The following TET1 variants were observed in gnomAD, a reference collection of about 807,000 sequenced individuals.
The protein encoded by TET1 is tet methylcytosine dioxygenase 1.
In TET1, 13 loss-of-function variants were observed where a neutral mutation model predicts 148.7. The observed-to-expected ratio is 0.09, with a 90% CI of 0.06 to 0.14. TET1 has a LOEUF of 0.14. Among genes scored for constraint, TET1 ranks in the 10% least tolerant of loss-of-function variants. The probability of loss-of-function intolerance (pLI) is 1.00; values close to 1 mark genes in which losing one functional copy is unlikely to be tolerated. For missense variants in TET1, 2,182 were observed against 2,553.8 expected (o/e 0.85, Z 3.14); for synonymous variants, 907 against 937.2 (o/e 0.97, Z 0.59).
At chr10:68,639,170 CAG>C (rs985599280) in intron 3 of TET1, among the ~76,000 whole-genome samples, 13 of 150,674 alleles carry the variant, frequency 8.6e-5, no homozygotes, top group African/African-American at 3.2e-4. Flanking sequence ...TCTTTTAAGA[CAG>C]AGTTTCACTC....
intron 3 of TET1, among the ~76,000 whole-genome samples, chr10:68,612,370 A>G (rs2054229192): frequency 6.6e-6 from 1 of 151,950 alleles, no homozygotes; most frequent in Non-Finnish European, 1.5e-5. Flanking sequence ...GATTACCAGC[A>G]TGAGCCACCG....
intron 1 of TET1, among the ~76,000 whole-genome samples, chr10:68,562,435 C>G (rs917747552): frequency 6.6e-6 from 1 of 151,338 alleles, no homozygotes; most frequent in Non-Finnish European, 1.5e-5. Flanking sequence ...AACCAAGAAT[C>G]AAAAGACTTA....
chr10:68,569,500 C>T (rs1242095074), intron 1 of TET1, among the ~76,000 whole-genome samples: 1 of 152,124 alleles, frequency 6.6e-6, no homozygotes, highest in Non-Finnish European at 1.5e-5. Context: ...TGAGCCTCTT[C>T]TTCCTCTGGT....
At chr10:68,656,742 A>G (rs1481254960) in intron 6 of TET1, among the ~76,000 whole-genome samples, 1 of 152,210 alleles carries the variant, frequency 6.6e-6, no homozygotes, top group Non-Finnish European at 1.5e-5. Context: ...AATGTATTTT[A>G]GGGCTGGGTG....
chr10:68,665,759 G>A (rs2133172344), intron 6 of TET1, among the ~76,000 whole-genome samples: 1 of 152,070 alleles, frequency 6.6e-6, no homozygotes, highest in South Asian at 2.1e-4. Flanking sequence ...TTGGCTGTAA[G>A]AGGACGTATA....
intron 3 of TET1, among the ~76,000 whole-genome samples, chr10:68,629,459 C>T (rs1289548966): frequency 6.6e-6 from 1 of 151,782 alleles, no homozygotes; most frequent in Non-Finnish European, 1.5e-5. Flanking sequence ...GAAATATAAT[C>T]AGATATTTAG....
intron 2 of TET1, among the ~76,000 whole-genome samples, chr10:68,600,273 G>A (rs2054037253): frequency 6.6e-6 from 1 of 152,156 alleles, no homozygotes; most frequent in South Asian, 2.1e-4. Flanking sequence ...CCCCCATGCA[G>A]ACCTGCCCTC....
chr10:68,617,144 C>T (rs1266630969), intron 3 of TET1, among the ~76,000 whole-genome samples: 6 of 148,284 alleles, frequency 4.0e-5, no homozygotes, highest in Non-Finnish European at 7.4e-5. Flanking sequence ...GCCTCAGCCT[C>T]CCGAGTAGCT....
chr10:68,642,166 G>A (rs1198937903), intron 3 of TET1, among the ~76,000 whole-genome samples: 2 of 152,302 alleles, frequency 1.3e-5, no homozygotes, highest in East Asian at 3.9e-4. Flanking sequence ...TACAAAATTA[G>A]TCTGTAGTCC....
At chr10:68,583,648 C>T (rs1431646237) in intron 2 of TET1, among the ~76,000 whole-genome samples, 4 of 152,200 alleles carry the variant, frequency 2.6e-5, no homozygotes, top group Non-Finnish European at 5.9e-5. Context: ...CACGGTGGCT[C>T]TCGCCTGTAA....
chr10:68,658,106 C>T (rs7916778), intron 6 of TET1, among the ~76,000 whole-genome samples: 27,686 of 152,074 alleles, frequency 0.18, 3,135 homozygotes, highest in African/African-American at 0.31. Flanking sequence ...CTATATCAAG[C>T]ATCGTTTCAT....
At chr10:68,629,896 A>G (rs1257330542) in intron 3 of TET1, among the ~76,000 whole-genome samples, 1 of 152,154 alleles carries the variant, frequency 6.6e-6, no homozygotes, top group Admixed American at 6.6e-5. Flanking sequence ...ACCTAAAACA[A>G]TATGAACGAT....
chr10:68,613,589 A>G (rs1424806212), intron 3 of TET1, among the ~76,000 whole-genome samples: 1 of 152,170 alleles, frequency 6.6e-6, no homozygotes. Context: ...TGAAAAAACA[A>G]CATGGAAAAA....
In TET1 at chr10:68,694,447, A is replaced by G; in HGVS notation, c.*2633A>G. ...TTAGAATGCTCTTTCTCATGAAGCAAGGAAATAAATTTGTTTGAAATGACA... is the reference window on the plus strand; with the variant it reads ...TTAGAATGCTCTTTCTCATGAAGCAGGGAAATAAATTTGTTTGAAATGACA... On this transcript the variant is annotated 3_prime_UTR_variant, in exon 12 of 12. Transcript: ENST00000373644. 4.3e-6 allele frequency: 1 copy of G among 232,124 alleles called. No homozygotes were observed. The highest frequency in any genetic ancestry group is 8.5e-6 in the Non-Finnish European group (1 of 117,406). 14.4% of individuals were successfully genotyped at this position (232,124 alleles called of 1,614,324 possible). A position where few individuals can be genotyped will look rare whatever the true frequency, so the allele number is the denominator to read the frequency against.
At chr10:68,608,280 G>C (rs1424005574) in intron 3 of TET1, among the ~76,000 whole-genome samples, 1 of 151,568 alleles carries the variant, frequency 6.6e-6, no homozygotes, top group Non-Finnish European at 1.5e-5. Flanking sequence ...CTGTAGCCCA[G>C]GCTGGAGTGC....
chr10:68,568,979 C>T (rs1564946025), intron 1 of TET1, among the ~76,000 whole-genome samples: 3 of 152,114 alleles, frequency 2.0e-5, no homozygotes, highest in Non-Finnish European at 4.4e-5. Context: ...CACCACAATG[C>T]CTTCCTTAGA....
chr10:68,622,179 TTCCTTCCTTCCTTCCTTC>T (rs2054381677), intron 3 of TET1, among the ~76,000 whole-genome samples: 1 of 98,038 alleles, frequency 1.0e-5, no homozygotes. Context: ...CCTTCCTTCC[TTCCTTCCTTCCTTCCTTC>T]CTTCCTTCCT....
chr10:68,682,440 A>T (rs959889492), intron 9 of TET1, among the ~76,000 whole-genome samples: 7 of 152,150 alleles, frequency 4.6e-5, no homozygotes, highest in South Asian at 4.1e-4. Flanking sequence ...AAGGAGTTAC[A>T]AATTGACTTT....
At chr10:68,633,045 G>A (rs1440158291) in intron 3 of TET1, among the ~76,000 whole-genome samples, 2 of 151,940 alleles carry the variant, frequency 1.3e-5, no homozygotes, top group African/African-American at 4.8e-5. Context: ...TTAGCTGGGC[G>A]TGGTGGTGGG....
Sources: gnomAD v4.1 joint callset for allele counts (sites outside exome capture counted in the v4.1 genomes callset) on GRCh38, gnomAD v4.1.1 for gene constraint, MANE v1.5 for transcripts, NCBI Gene and HGNC (gene_info 2026-07-23, HGNC 2026-07-21) for gene names.